CACNA2D2: variants seen among roughly 807,000 people sequenced by gnomAD.
The protein encoded by CACNA2D2 is calcium voltage-gated channel auxiliary subunit alpha2delta 2, also known as voltage-dependent calcium channel subunit alpha-2/delta-2.
CACNA2D2 carries 48 observed loss-of-function variants against 166.4 expected under a neutral mutation model. The observed-to-expected ratio is 0.29, with a 90% CI of 0.23 to 0.37. The LOEUF is 0.37. CACNA2D2 is among the 10% of genes least tolerant of loss of function. The probability of loss-of-function intolerance (pLI) is 1.00; values close to 1 mark genes in which losing one functional copy is unlikely to be tolerated. For missense variants in CACNA2D2, 1,122 were observed against 1,433.0 expected (o/e 0.78, Z 3.50); for synonymous variants, 561 against 573.7 (o/e 0.98, Z 0.32).
chr3:50,429,716 G>A (rs947297323), intron 3 of CACNA2D2, among the ~76,000 whole-genome samples: 3 of 150,630 alleles, frequency 2.0e-5, no homozygotes, highest in Non-Finnish European at 4.4e-5. Context: ...CTTACAGTAA[G>A]CCGAGATCAT....
chr3:50,378,164 G>A (rs901740114), intron 14 of CACNA2D2, 67 bp from the exon 15 acceptor site: 1 of 1,586,682 alleles, frequency 6.3e-7, no homozygotes, highest in Non-Finnish European at 8.6e-7. Flanking sequence ...TGTCTCGCCA[G>A]GCATTGGGAT....
chr3:50,499,337 G>A (rs1163365181), intron 1 of CACNA2D2, among the ~76,000 whole-genome samples: 3 of 152,302 alleles, frequency 2.0e-5, no homozygotes, highest in East Asian at 1.9e-4. Flanking sequence ...GGTGGGTCTC[G>A]CAGTAAGACT....
At position 50,380,652 on chromosome 3, in the gene CACNA2D2, C is replaced by T; in HGVS notation, c.842+96G>A. ...AAAATTGGATACAGCTGGCTGCGCC[C>T]TGCTAGGAGGCTTGGAAATGGGGAG... On this transcript the variant is annotated intron_variant, in intron 8 of 37. Transcript: ENST00000424201. The surrounding 1 kb of genome is among the most constrained non-coding windows in gnomAD (Gnocchi z 4.9). The T allele has an allele frequency of 9.6e-7, 1 of 1,041,936 alleles. No individual in the cohort carries two copies. The allele number at this position is 1,041,936 out of a possible 1,614,324, so 64.5% of individuals were successfully genotyped here.
At chr3:50,405,393 C>T (rs947778940) in intron 3 of CACNA2D2, among the ~76,000 whole-genome samples, 3 of 152,062 alleles carry the variant, frequency 2.0e-5, no homozygotes, top group Non-Finnish European at 4.4e-5. Flanking sequence ...GCCCAGCCCA[C>T]CTAGGCAGCA....
chr3:50,441,350 A>G (rs1708591380), intron 2 of CACNA2D2, among the ~76,000 whole-genome samples: 1 of 152,142 alleles, frequency 6.6e-6, no homozygotes, highest in South Asian at 2.1e-4. Flanking sequence ...CAATTAGTAC[A>G]TTATGTCTAA....
intron 1 of CACNA2D2, among the ~76,000 whole-genome samples, chr3:50,501,054 T>A (rs1698942302): frequency 6.6e-6 from 1 of 152,058 alleles, no homozygotes; most frequent in Admixed American, 6.6e-5. Flanking sequence ...GGTTCCACTC[T>A]CCTCCTTGGA....
intron 1 of CACNA2D2, among the ~76,000 whole-genome samples, chr3:50,496,823 G>A (rs1698743984): frequency 6.6e-6 from 1 of 152,178 alleles, no homozygotes; most frequent in Admixed American, 6.5e-5. Context: ...CACGAAGAGG[G>A]GGCTTGTTCA....
At position 50,367,709 on chromosome 3, in the gene CACNA2D2, G is replaced by A; in HGVS notation, c.2235-5C>T. 1 of 1,612,628 alleles carries A rather than the reference G, an allele frequency of 6.2e-7. No individual in the cohort carries two copies. Among genetic ancestry groups the A allele is most frequent in the Non-Finnish European group, 8.5e-7 (1 of 1,179,144 alleles). On this transcript the variant is annotated splice_polypyrimidine_tract_variant and splice_region_variant and intron_variant, in intron 25 of 37. Coordinates refer to ENST00000424201, the MANE Select transcript of CACNA2D2 (RefSeq NM_006030.4). This position sits in a 1 kb window ranked among gnomAD's most constrained non-coding sequence, Gnocchi z 6.5. ...AACACGGCCAGTAGGCTGTACCTGG[G>A]GGTAGCAGGGGGGTGGGGTCACAGG...
At chr3:50,403,351 C>A (rs1188257964) in intron 3 of CACNA2D2, among the ~76,000 whole-genome samples, 1 of 152,194 alleles carries the variant, frequency 6.6e-6, no homozygotes, top group East Asian at 1.9e-4. Context: ...AACTCAGCTT[C>A]TCTCTAGGGC....
intron 2 of CACNA2D2, 130 bp downstream of exon 2, chr3:50,475,988 A>G: frequency 1.3e-6 from 1 of 743,414 alleles, no homozygotes; most frequent in Non-Finnish European, 2.2e-6. Context: ...ACCTGCCCCC[A>G]CGGGCCCATC....
chr3:50,378,499 G>C (rs1009399461), intron 13 of CACNA2D2, among the ~76,000 whole-genome samples, 166 bp from the exon 14 acceptor site: 2 of 152,216 alleles, frequency 1.3e-5, no homozygotes, highest in African/African-American at 4.8e-5. Flanking sequence ...TGCCAAGGGC[G>C]GTGCTATGGA....
intron 2 of CACNA2D2, among the ~76,000 whole-genome samples, chr3:50,450,119 A>T (rs1709029996): frequency 6.6e-6 from 1 of 152,194 alleles, no homozygotes; most frequent in Non-Finnish European, 1.5e-5. Flanking sequence ...ACTTAGGCCA[A>T]CCTGAAAGCC....
chr3:50,442,870 G>A (rs1467023374), intron 2 of CACNA2D2, among the ~76,000 whole-genome samples: 1 of 152,208 alleles, frequency 6.6e-6, no homozygotes, highest in African/African-American at 2.4e-5. Context: ...CAGCCTCCAG[G>A]CCTTTGTCTA....
chr3:50,364,712 G>A lies in CACNA2D2; in HGVS notation c.3386C>T (p.Pro1129Leu), dbSNP rs1014755697. The stretch of plus-strand genomic sequence containing the variant: ...GACGAGGACTTGAGGCTGCGGCCGG[G>A]GCGGCAGGCCCAGGAGGAGCAGCAG... ...LQLLLLLGLP[P>L]RPQPQVLVHA... is the part of the protein sequence containing the mutation. The change falls in exon 38 of 38, where the codon CCC becomes CTC. Residue 1129 changes from proline (P) to leucine (L), a missense_variant. By Grantham distance (98) the Pro-to-Leu change is moderately conservative. Transcript: ENST00000424201. 3.9e-6 allele frequency: 6 copies of A among 1,547,684 alleles called. No homozygotes were observed. In the African/African-American group the frequency reaches 5.5e-5, roughly 14 times the overall value.
intron 3 of CACNA2D2, among the ~76,000 whole-genome samples, chr3:50,405,158 A>G (rs1354052971): frequency 6.6e-6 from 1 of 152,176 alleles, no homozygotes; most frequent in African/African-American, 2.4e-5. Flanking sequence ...CAACCTCAGG[A>G]GAAGGAGTGG....
intron 5 of CACNA2D2, among the ~76,000 whole-genome samples, chr3:50,385,792 C>G (rs1003320178): frequency 6.6e-6 from 1 of 152,210 alleles, no homozygotes; most frequent in African/African-American, 2.4e-5. Flanking sequence ...GTGAGGCGTG[C>G]GCCACTCACG....
rs7625295 is a variant in CACNA2D2, at chr3:50,427,474, G to A, written c.405+6839C>T. Among the ~76,000 whole-genome samples the A allele has an allele frequency of 0.088, 13,370 of 152,300 alleles. 1,782 individuals carry two copies. Among genetic ancestry groups the A allele is most frequent in the African/African-American group, 0.29 (11,932 of 41,548 alleles). On this transcript the variant is annotated intron_variant, in intron 3 of 37. Transcript: ENST00000424201. The surrounding 1 kb of genome is among the most constrained non-coding windows in gnomAD (Gnocchi z 4.7). ...AGAAAAGGCTGCTTGGGCGCTTGGC[G>A]CCCACGCGTGCGCCTAATTGGCTCC... is the stretch of plus-strand genomic sequence containing the variant.
intron 1 of CACNA2D2, 37 bp downstream of exon 1, chr3:50,503,181 C>T (rs1412278890): frequency 5.2e-6 from 6 of 1,158,234 alleles, no homozygotes; most frequent in Non-Finnish European, 5.3e-6. Flanking sequence ...GGGCGCAAGG[C>T]TCGGCCGGGG....
chr3:50,383,079 T>C (rs1705412161), intron 6 of CACNA2D2, among the ~76,000 whole-genome samples: 1 of 152,166 alleles, frequency 6.6e-6, no homozygotes, highest in African/African-American at 2.4e-5. Context: ...ACACAGTAAA[T>C]AAAAAACATA....
Sources: gnomAD v4.1 joint callset for allele counts (sites outside exome capture counted in the v4.1 genomes callset) on GRCh38, gnomAD v4.1.1 for gene constraint, Gnocchi (gnomAD v3.1) non-coding constraint, MANE v1.5 for transcripts, NCBI Gene and HGNC (gene_info 2026-07-23, HGNC 2026-07-21) for gene names.